ZEB1: variants seen among roughly 807,000 people sequenced by gnomAD.
ZEB1 encodes the protein zinc finger E-box binding homeobox 1.
A neutral mutation model predicts 84.9 loss-of-function variants in ZEB1; 21 were observed. The observed-to-expected ratio is 0.25, with a 90% CI of 0.18 to 0.36. ZEB1 has a LOEUF of 0.36. Among genes scored for constraint, ZEB1 ranks in the 10% least tolerant of loss-of-function variants. The pLI, the probability that ZEB1 is intolerant of heterozygous loss-of-function variation, is 1.00. For missense variants in ZEB1, 1,104 were observed against 1,330.2 expected, an observed-to-expected ratio of 0.83 and a Z score of 2.65; for synonymous variants, 420 against 471.1, an observed-to-expected ratio of 0.89 and a Z score of 1.41.
At chr10:31,347,500 A>G (rs2040518873) in intron 1 of ZEB1, among the ~76,000 whole-genome samples, 1 of 152,174 alleles carries the variant, frequency 6.6e-6, no homozygotes, top group Admixed American at 6.5e-5. Context: ...ATGAGCCACC[A>G]TGCCTGGGTA....
At chr10:31,504,334 T>A (rs1000300039) in intron 4 of ZEB1, among the ~76,000 whole-genome samples, 2 of 151,996 alleles carry the variant, frequency 1.3e-5, no homozygotes, top group Admixed American at 6.6e-5. Context: ...TTTTTACTAA[T>A]GCCATGCTGT....
At chr10:31,391,007 A>G (rs2049568507) in intron 1 of ZEB1, among the ~76,000 whole-genome samples, 1 of 152,160 alleles carries the variant, frequency 6.6e-6, no homozygotes, top group Admixed American at 6.6e-5. Context: ...TCTCCAGAGA[A>G]TACTTTTCCT....
At chr10:31,506,481 C>A (rs1162090998) in intron 4 of ZEB1, among the ~76,000 whole-genome samples, 2 of 151,954 alleles carry the variant, frequency 1.3e-5, no homozygotes, top group African/African-American at 4.8e-5. Flanking sequence ...ATTGTTATAT[C>A]CTCTTACTGA....
At chr10:31,339,612 A>G (rs2038947933) in intron 1 of ZEB1, among the ~76,000 whole-genome samples, 1 of 152,038 alleles carries the variant, frequency 6.6e-6, no homozygotes, top group South Asian at 2.1e-4. Flanking sequence ...TACTAAAAAT[A>G]CAAAAAACTT....
intron 1 of ZEB1, among the ~76,000 whole-genome samples, chr10:31,328,027 TA>T (rs2035965301): frequency 6.6e-6 from 1 of 152,206 alleles, no homozygotes. Context: ...TTTAAGATGA[TA>T]ATCCCCAACG....
chr10:31,330,245 T>A (rs1471621914), intron 1 of ZEB1, among the ~76,000 whole-genome samples: 2 of 152,210 alleles, frequency 1.3e-5, no homozygotes, highest in South Asian at 2.1e-4. Context: ...TTGAAATTTT[T>A]AAAAATGTTT....
intron 1 of ZEB1, chr10:31,321,640 C>A: frequency 6.7e-7 from 1 of 1,495,286 alleles, no homozygotes; most frequent in Non-Finnish European, 9.3e-7. Context: ...ACATGTGAGT[C>A]TGAACCACCC....
chr10:31,371,945 A>G (rs2045783843), intron 1 of ZEB1, among the ~76,000 whole-genome samples: 1 of 152,154 alleles, frequency 6.6e-6, no homozygotes, highest in Non-Finnish European at 1.5e-5. Context: ...ATGCCTTGGT[A>G]TCAGGTTATT....
intron 2 of ZEB1, among the ~76,000 whole-genome samples, chr10:31,483,655 G>A (rs2065351317): frequency 6.6e-6 from 1 of 151,934 alleles, no homozygotes; most frequent in Non-Finnish European, 1.5e-5. Context: ...TCTGATGAAA[G>A]TAAAACAGCA....
chr10:31,510,848 G>T lies in ZEB1; in HGVS notation c.660G>T (p.Met220Ile), dbSNP rs775177081. 10 of 1,613,732 alleles carry T rather than the reference G, an allele frequency of 6.2e-6. No homozygotes were observed. The Middle Eastern group carries it at 4.9e-4, about 80-fold the overall frequency. Residue 220 changes from methionine to isoleucine, a missense_variant, in exon 5 of 9, where the codon ATG becomes ATT. Coordinates refer to ENST00000424869, the MANE Select transcript of ZEB1 (RefSeq NM_001174096.2). Reference protein sequence around the residue: ...FAYRTQLERHMTSHKSGRDQR... With the variant: ...FAYRTQLERHITSHKSGRDQR... ...ACAGAACCCAACTTGAACGTCACAT[G>T]ACATCACATAAATCAGGAAGAGATC...
chr10:31,496,231 A>C (rs1254420086), intron 3 of ZEB1, among the ~76,000 whole-genome samples: 2 of 152,100 alleles, frequency 1.3e-5, no homozygotes, highest in African/African-American at 4.8e-5. Context: ...CAAGACAAAA[A>C]GCAGAAGAAA....
chr10:31,353,602 A>G (rs1458234674), intron 1 of ZEB1, among the ~76,000 whole-genome samples: 7 of 152,246 alleles, frequency 4.6e-5, no homozygotes, highest in African/African-American at 1.4e-4. Flanking sequence ...TACCTAGCCA[A>G]AGAGATTAAG....
chr10:31,416,166 G>C (rs2055177937), intron 1 of ZEB1, among the ~76,000 whole-genome samples: 1 of 151,904 alleles, frequency 6.6e-6, no homozygotes, highest in Admixed American at 6.6e-5. Context: ...CTAACATATA[G>C]TTACAAAGAC....
chr10:31,423,431 G>C (rs1264992362), intron 1 of ZEB1, among the ~76,000 whole-genome samples: 1 of 152,090 alleles, frequency 6.6e-6, no homozygotes, highest in Non-Finnish European at 1.5e-5. Context: ...AGTAGAAATT[G>C]GGACTTGCAT....
In ZEB1 at chr10:31,467,058, A is replaced by T. The variant is rs75973136; in HGVS notation, c.259+5821A>T. Among the ~76,000 whole-genome samples, 844 of 152,260 alleles carry T rather than the reference A, an allele frequency of 5.5e-3. 11 individuals carry two copies. The highest frequency in any genetic ancestry group is 0.019 in the African/African-American group (794 of 41,534). ...TAATATATAGGCCATGACAGACATGATTGAAGAAGTAGGAAGCAACACTGC... is the reference window on the plus strand; with the variant it reads ...TAATATATAGGCCATGACAGACATGTTTGAAGAAGTAGGAAGCAACACTGC... On this transcript the variant is annotated intron_variant, in intron 2 of 8. Coordinates refer to ENST00000424869, the MANE Select transcript of ZEB1 (RefSeq NM_001174096.2).
intron 1 of ZEB1, among the ~76,000 whole-genome samples, chr10:31,433,716 A>G (rs180906191): frequency 2.8e-4 from 43 of 152,320 alleles, no homozygotes; most frequent in African/African-American, 9.6e-4. Flanking sequence ...CTACTTCATC[A>G]AGGATGTACT....
chr10:31,389,723 A>G (rs1329730303), intron 1 of ZEB1: 1 of 152,180 alleles, frequency 6.6e-6, no homozygotes, highest in Non-Finnish European at 1.5e-5. Context: ...CTTAATGGCC[A>G]TATTAAGAAA....
At chr10:31,375,570 AAAAC>A (rs2046477183) in intron 1 of ZEB1, among the ~76,000 whole-genome samples, 1 of 151,838 alleles carries the variant, frequency 6.6e-6, no homozygotes, top group Non-Finnish European at 1.5e-5. Flanking sequence ...ACTTCTTTCT[AAAAC>A]AAAATTCTAC....
intron 2 of ZEB1, among the ~76,000 whole-genome samples, chr10:31,473,501 A>T (rs2063588883): frequency 6.6e-6 from 1 of 152,082 alleles, no homozygotes; most frequent in Non-Finnish European, 1.5e-5. Flanking sequence ...CCAACTTACA[A>T]GGGACGTGAA....
Sources: gnomAD v4.1 joint callset for allele counts (sites outside exome capture counted in the v4.1 genomes callset) on GRCh38, gnomAD v4.1.1 for gene constraint, MANE v1.5 for transcripts, NCBI Gene and HGNC (gene_info 2026-07-23, HGNC 2026-07-21) for gene names.